CA10: variants seen among roughly 807,000 people sequenced by gnomAD.
CA10 encodes the protein carbonic anhydrase 10 (inactive).
In CA10, 14 loss-of-function variants were observed where a neutral mutation model predicts 44.2. The observed-to-expected ratio is 0.32, with a 90% CI of 0.21 to 0.50. The LOEUF (loss-of-function observed/expected upper bound fraction) is 0.50, where lower values mean the gene tolerates loss of function less well. CA10 is among the 20% of genes least tolerant of loss of function. The pLI is 0.99. For missense variants in CA10, 350 were observed against 409.7 expected, an observed-to-expected ratio of 0.85 and a Z score of 1.26; for synonymous variants, 159 against 141.6, an observed-to-expected ratio of 1.12 and a Z score of -0.87.
chr17:52,074,804 C>T (rs1481189752), intron 1 of CA10, among the ~76,000 whole-genome samples: 1 of 151,954 alleles, frequency 6.6e-6, no homozygotes, highest in Admixed American at 6.6e-5. Context: ...CTTGTGCCTG[C>T]TAGCCAAATA....
At chr17:51,913,726 G>A (rs893872988) in intron 3 of CA10, among the ~76,000 whole-genome samples, 1 of 152,122 alleles carries the variant, frequency 6.6e-6, no homozygotes, top group Non-Finnish European at 1.5e-5. Flanking sequence ...CAGAAGGGAT[G>A]ACCCTGGGAG....
At chr17:52,137,117 G>A (rs1047268718) in intron 1 of CA10, among the ~76,000 whole-genome samples, 2 of 150,770 alleles carry the variant, frequency 1.3e-5, no homozygotes, top group African/African-American at 4.9e-5. Context: ...ACACACTTGT[G>A]AGTCCCTAGG....
At chr17:51,792,532 C>T (rs1906559639) in intron 3 of CA10, among the ~76,000 whole-genome samples, 1 of 152,210 alleles carries the variant, frequency 6.6e-6, no homozygotes, top group African/African-American at 2.4e-5. Flanking sequence ...AATTAAGCTT[C>T]ATGTAGAAGC....
At chr17:51,823,863 G>T (rs1017859050) in intron 3 of CA10, among the ~76,000 whole-genome samples, 1 of 152,186 alleles carries the variant, frequency 6.6e-6, no homozygotes, top group African/African-American at 2.4e-5. Flanking sequence ...TAGGCATTGT[G>T]ACACATTAGA....
At chr17:51,665,821 C>G (rs4794294) in intron 4 of CA10, among the ~76,000 whole-genome samples, 125,173 of 152,232 alleles carry the variant, frequency 0.82, 51,807 homozygotes, top group Middle Eastern at 0.86. Context: ...TGAAGGAAAT[C>G]TTGTTAGGTG....
intron 6 of CA10, among the ~76,000 whole-genome samples, chr17:51,648,512 C>T (rs1913428389): frequency 6.6e-6 from 1 of 152,174 alleles, no homozygotes. Flanking sequence ...TTATTTCTTT[C>T]ATCTATGGGT....
intron 1 of CA10, among the ~76,000 whole-genome samples, chr17:52,099,970 G>A (rs545904876): frequency 1.3e-5 from 2 of 152,314 alleles, no homozygotes; most frequent in East Asian, 3.9e-4. Flanking sequence ...CCCTAGTGGA[G>A]TGGTGGGGAG....
chr17:51,977,790 T>C (rs1567906780), intron 2 of CA10, among the ~76,000 whole-genome samples: 1 of 152,038 alleles, frequency 6.6e-6, no homozygotes, highest in Non-Finnish European at 1.5e-5. Context: ...TTCTAAGAAA[T>C]CCGCAGAAGA....
chr17:51,636,496 T>C (rs1912833239), intron 6 of CA10, among the ~76,000 whole-genome samples: 1 of 152,164 alleles, frequency 6.6e-6, no homozygotes, highest in South Asian at 2.1e-4. Context: ...AGGAAGCACA[T>C]TCCTTCCACA....
chr17:51,779,532 TC>T (rs1264183828), intron 3 of CA10, among the ~76,000 whole-genome samples: 1 of 152,098 alleles, frequency 6.6e-6, no homozygotes, highest in Non-Finnish European at 1.5e-5. Flanking sequence ...GAAAAATGCA[TC>T]CCCTCCAGCA....
chr17:51,930,704 G>GTGGC (rs1982621260), intron 3 of CA10, among the ~76,000 whole-genome samples: 1 of 152,120 alleles, frequency 6.6e-6, no homozygotes, highest in Non-Finnish European at 1.5e-5. Flanking sequence ...ATAGGCAGGG[G>GTGGC]TGGCCACTAT....
intron 4 of CA10, among the ~76,000 whole-genome samples, chr17:51,657,229 C>T (rs1385355582): frequency 1.3e-5 from 2 of 152,164 alleles, no homozygotes; most frequent in African/African-American, 4.8e-5. Flanking sequence ...TTGACAGTCA[C>T]CAGGCTTTTT....
intron 1 of CA10, among the ~76,000 whole-genome samples, chr17:52,141,613 T>C (rs887516510): frequency 6.6e-6 from 1 of 152,146 alleles, no homozygotes; most frequent in African/African-American, 2.4e-5. Context: ...CCCTAGACAA[T>C]ACATCAATGA....
At chr17:51,646,793 C>T (rs141653631) in intron 6 of CA10, among the ~76,000 whole-genome samples, 11 of 152,288 alleles carry the variant, frequency 7.2e-5, no homozygotes, top group East Asian at 3.9e-4. Flanking sequence ...TCATTTCTGC[C>T]GCAGTGTCCT....
intron 3 of CA10, among the ~76,000 whole-genome samples, chr17:51,917,633 C>T (rs749448278): frequency 1.1e-4 from 17 of 152,106 alleles, no homozygotes; most frequent in Non-Finnish European, 2.2e-4. Context: ...ATGGCAAAAG[C>T]AGGAACAAGA....
At chr17:52,073,437 T>A (rs936069745) in intron 1 of CA10, among the ~76,000 whole-genome samples, 2 of 152,190 alleles carry the variant, frequency 1.3e-5, no homozygotes, top group African/African-American at 4.8e-5. Flanking sequence ...AGATACTTTT[T>A]CTTCCTATGA....
At chr17:51,930,431 T>A (rs1982606707) in intron 3 of CA10, among the ~76,000 whole-genome samples, 1 of 150,348 alleles carries the variant, frequency 6.7e-6, no homozygotes, top group Admixed American at 6.6e-5. Context: ...GGGAGGAGAG[T>A]GAAGGAGGGA....
At chr17:51,859,223 GTGT>G (rs1334910337) in intron 3 of CA10, among the ~76,000 whole-genome samples, 2 of 152,024 alleles carry the variant, frequency 1.3e-5, no homozygotes, top group Non-Finnish European at 2.9e-5. Context: ...ATACAAGAAA[GTGT>G]TGTAATCACT....
intron 2 of CA10, among the ~76,000 whole-genome samples, chr17:51,993,799 TTC>T (rs906180820): frequency 5.9e-4 from 90 of 152,140 alleles, no homozygotes; most frequent in African/African-American, 2.2e-3. Flanking sequence ...AAGTTTCTTT[TTC>T]TCTCTCTTCT....
Sources: gnomAD v4.1 joint callset for allele counts (sites outside exome capture counted in the v4.1 genomes callset) on GRCh38, gnomAD v4.1.1 for gene constraint, MANE v1.5 for transcripts, NCBI Gene and HGNC (gene_info 2026-07-23, HGNC 2026-07-21) for gene names.